The following DMD variants were observed in gnomAD, a reference collection of about 807,000 sequenced individuals.
The protein encoded by DMD is mutant dystrophin.
Under a neutral mutation model 330.1 loss-of-function variants are expected in DMD, and 63 were observed. That is an observed-to-expected ratio of 0.19 (90% CI 0.16 to 0.24). The LOEUF (loss-of-function observed/expected upper bound fraction) is 0.24. Among genes scored for constraint, DMD ranks in the 10% least tolerant of loss-of-function variants. DMD has a pLI of 1.00. For synonymous variants in DMD, 1,223 were observed against 959.8 expected, an observed-to-expected ratio of 1.27 and a Z score of -5.07; for missense variants, 3,344 against 2,684.1, an observed-to-expected ratio of 1.25 and a Z score of -5.43.
At chrX:31,548,317 A>G (rs1034993809) in intron 55 of DMD, among the ~76,000 whole-genome samples, 5 of 111,157 alleles carry the variant, frequency 4.5e-5, no homozygotes, top group Non-Finnish European at 7.5e-5. Context: ...AGACAACTGC[A>G]TTTTCATAAG....
chrX:33,084,606 G>A (rs767453542), intron 1 of DMD, among the ~76,000 whole-genome samples: 4 of 111,150 alleles, frequency 3.6e-5, no homozygotes, highest in African/African-American at 1.3e-4. Context: ...ATTGATATGG[G>A]TAGTGCCAGC....
chrX:32,407,111 C>G (rs1048051174), intron 30 of DMD, among the ~76,000 whole-genome samples: 7 of 111,367 alleles, frequency 6.3e-5, no homozygotes, highest in African/African-American at 2.3e-4. Flanking sequence ...CAACAAAAGC[C>G]AAAATTGACA....
chrX:31,210,706 T>G (rs959627315), intron 64 of DMD, among the ~76,000 whole-genome samples: 2 of 112,131 alleles, frequency 1.8e-5, no homozygotes, highest in African/African-American at 6.5e-5. Context: ...CAATTATAAA[T>G]GTAGTTCACA....
chrX:32,746,879 C>T (rs757617445), intron 7 of DMD, among the ~76,000 whole-genome samples: 2 of 111,214 alleles, frequency 1.8e-5, no homozygotes, highest in African/African-American at 6.5e-5. Flanking sequence ...TTACCCTCCC[C>T]GGCTTCTGCT....
intron 63 of DMD, among the ~76,000 whole-genome samples, chrX:31,224,053 T>G (rs979221870): frequency 9.0e-6 from 1 of 111,543 alleles, no homozygotes; most frequent in Non-Finnish European, 1.9e-5. Context: ...CTTACTCAAG[T>G]CTGCACAAGC....
At position 32,536,653 on chromosome X, in the gene DMD, GA is replaced by G. The variant is rs1488798449; in HGVS notation, c.2168+8505del. On this transcript the variant is annotated intron_variant, in intron 17 of 78. Transcript: ENST00000357033. Reference sequence around the variant, plus strand: ...TTGCTTTTAATTGCCGAACTTTCTTGACAAAGGAAGGAGTACATTGATTTAT... The same window carrying G: ...TTGCTTTTAATTGCCGAACTTTCTTGCAAAGGAAGGAGTACATTGATTTAT... 3.6e-5 allele frequency among the ~76,000 whole-genome samples: 4 copies of G among 112,146 alleles called. 1 individual carries two copies. In the Admixed American group the frequency reaches 3.8e-4, roughly 11 times the overall value.
chrX:31,557,165 C>T (rs991374342), intron 55 of DMD, among the ~76,000 whole-genome samples: 5 of 111,498 alleles, frequency 4.5e-5, no homozygotes, highest in African/African-American at 9.8e-5. Flanking sequence ...TGAGGAGCTG[C>T]GGGAGACAGT....
intron 12 of DMD, 65 bp from the exon 13 acceptor site, chrX:32,595,941 G>C: frequency 1.0e-6 from 1 of 982,438 alleles, no homozygotes; most frequent in Non-Finnish European, 1.4e-6. Context: ...GAAATGATTT[G>C]CTCTCAAATG....
chrX:32,877,784 A>T (rs1225583223), intron 2 of DMD, among the ~76,000 whole-genome samples: 1 of 111,985 alleles, frequency 8.9e-6, no homozygotes, highest in Non-Finnish European at 1.9e-5. Context: ...CTACTGGAAT[A>T]CAAAAGCCCA....
At chrX:32,680,747 TC>T (rs758390195) in intron 9 of DMD, among the ~76,000 whole-genome samples, 25 of 110,325 alleles carry the variant, frequency 2.3e-4, no homozygotes, top group East Asian at 2.0e-3. Context: ...GCTGTCTCTC[TC>T]CCCCCATCAA....
At chrX:32,491,727 T>A (rs903196790) in intron 19 of DMD, among the ~76,000 whole-genome samples, 1 of 111,802 alleles carries the variant, frequency 8.9e-6, no homozygotes, top group Non-Finnish European at 1.9e-5. Context: ...TGAATATCAA[T>A]GCCATCAAGT....
intron 13 of DMD, among the ~76,000 whole-genome samples, chrX:32,594,259 A>C (rs994115617): frequency 2.7e-5 from 3 of 111,578 alleles, no homozygotes; most frequent in African/African-American, 9.8e-5. Flanking sequence ...ACTTTCCCCC[A>C]TCTGTACCTC....
intron 19 of DMD, among the ~76,000 whole-genome samples, chrX:32,496,698 G>A (rs1438335376): frequency 1.8e-5 from 2 of 112,756 alleles, no homozygotes; most frequent in Non-Finnish European, 3.8e-5. Flanking sequence ...GTGCATGCAC[G>A]CCGTGCTCAC....
Position 32,085,615 on chromosome X carries a change from T to C in DMD, c.6439-117101A>G, listed in dbSNP as rs137995090. Among the ~76,000 whole-genome samples the C allele has an allele frequency of 9.7e-3, 886 of 91,514 alleles. 19 individuals carry two copies. The highest frequency in any genetic ancestry group is 0.035 in the African/African-American group (835 of 24,050). 79.5% of individuals were successfully genotyped at this position (91,514 alleles called of 115,157 possible). On this transcript the variant is annotated intron_variant, in intron 44 of 78. Transcript: ENST00000357033. Reference sequence around the variant, plus strand: ...ATATATGTATATATGTGTATATATATACGTATATATATACACATATATACG... The same window carrying C: ...ATATATGTATATATGTGTATATATACACGTATATATATACACATATATACG...
At chrX:32,767,384 T>C (rs1425679124) in intron 7 of DMD, among the ~76,000 whole-genome samples, 5 of 111,723 alleles carry the variant, frequency 4.5e-5, no homozygotes, top group Non-Finnish European at 9.4e-5. Flanking sequence ...AAAATGATTT[T>C]CCGTGTTATA....
intron 67 of DMD, among the ~76,000 whole-genome samples, chrX:31,195,474 T>C (rs2042774768): frequency 1.8e-5 from 2 of 111,802 alleles, no homozygotes; most frequent in South Asian, 3.8e-4. Flanking sequence ...TATCTGTCTA[T>C]AGGTACCATG....
intron 60 of DMD, 134 bp downstream of exon 60, chrX:31,444,347 A>G (rs1474861102): frequency 2.8e-6 from 2 of 726,351 alleles, no homozygotes; most frequent in African/African-American, 2.2e-5. Context: ...ATTATAAACT[A>G]ATATAAAATA....
chrX:32,505,525 A>T (rs2044528308), intron 18 of DMD, among the ~76,000 whole-genome samples: 1 of 112,502 alleles, frequency 8.9e-6, no homozygotes, highest in Non-Finnish European at 1.9e-5. Flanking sequence ...AAGCCGACAG[A>T]GAAATGGGGC....
chrX:32,081,875 A>ATAC (rs1463448683), intron 44 of DMD, among the ~76,000 whole-genome samples: 1 of 110,985 alleles, frequency 9.0e-6, no homozygotes, highest in African/African-American at 3.3e-5. Flanking sequence ...AATAATAATA[A>ATAC]TAACAACAAA....
Sources: allele counts gnomAD v4.1 joint callset (sites outside exome capture counted in the v4.1 genomes callset), GRCh38; gene constraint gnomAD v4.1.1; transcripts MANE v1.5; gene names NCBI Gene and HGNC (gene_info 2026-07-23, HGNC 2026-07-21).